Variants in USP21 observed in about 807,000 individuals in gnomAD.
USP21 encodes the protein ubiquitin specific peptidase 21.
In USP21, 37 loss-of-function variants were observed where a neutral mutation model predicts 70.8. The observed-to-expected ratio is 0.52, with a 90% CI of 0.40 to 0.69. USP21 has a LOEUF of 0.69. Among genes scored for constraint, USP21 ranks in the 30% least tolerant of loss-of-function variants. The pLI, the probability that USP21 is intolerant of heterozygous loss-of-function variation, is 0.00. For missense variants in USP21, 584 were observed against 740.8 expected, an observed-to-expected ratio of 0.79 and a Z score of 2.46; for synonymous variants, 263 against 283.1, an observed-to-expected ratio of 0.93 and a Z score of 0.71.
chr1:161,165,216 C>T, intron 13 of USP21, 73 bp downstream of exon 13: 1 of 1,484,018 alleles, frequency 6.7e-7, no homozygotes, highest in Non-Finnish European at 9.4e-7. Flanking sequence ...CTATGAAGCT[C>T]CAGGAGAGCA....
Position 161,165,475 on chromosome 1 carries a change from C to T in USP21, c.*28C>T, listed in dbSNP as rs779217831. 1.3e-6 allele frequency: 2 copies of T among 1,560,774 alleles called. No homozygotes were observed. The highest frequency in any genetic ancestry group is 8.8e-7 in the Non-Finnish European group (1 of 1,132,620). ...CCTCTAAGCTCTGGCACCTGTGAAG[C>T]CCTTTAAACACCCTTAAGCCCCAGG... On this transcript the variant is annotated 3_prime_UTR_variant, in exon 14 of 14. Coordinates refer to ENST00000368002, the MANE Select transcript of USP21 (RefSeq NM_001014443.3).
Position 161,164,663 on chromosome 1 carries a change from C to T in USP21, c.1384+51C>T, listed in dbSNP as rs769375313. The T allele has an allele frequency of 1.9e-6, 3 of 1,610,834 alleles. No individual in the cohort carries two copies. The highest frequency in any genetic ancestry group is 2.7e-5 in the African/African-American group (2 of 74,892). On this transcript the variant is annotated intron_variant, in intron 11 of 13. Coordinates refer to ENST00000368002, the MANE Select transcript of USP21 (RefSeq NM_001014443.3). The surrounding 1 kb of genome is among the most constrained non-coding windows in gnomAD (Gnocchi z 4.2). ...TCTCTTAGGATACCTCCCATACATT[C>T]TCTTTCCTCCATGTTTCCAGAGAAT... is the stretch of plus-strand genomic sequence containing the variant.
Position 161,161,919 on chromosome 1 carries a change from G to T in USP21, c.601-119G>T. 1.0e-6 allele frequency: 1 copy of T among 972,354 alleles called. No homozygotes were observed. The highest frequency in any genetic ancestry group is 1.7e-6 in the Non-Finnish European group (1 of 601,694). The allele number at this position is 972,354 out of a possible 1,614,324, so 60.2% of individuals were successfully genotyped here. Reference sequence around the variant, plus strand: ...TAGAATACCTAGTGAGGGGAATAGGGTAGAGTTTGGGGATGAAACATGCAT... The same window carrying T: ...TAGAATACCTAGTGAGGGGAATAGGTTAGAGTTTGGGGATGAAACATGCAT... On this transcript the variant is annotated intron_variant, in intron 3 of 13. Coordinates refer to ENST00000368002, the MANE Select transcript of USP21 (RefSeq NM_001014443.3). The surrounding 1 kb of genome is among the most constrained non-coding windows in gnomAD (Gnocchi z 4.2).
chr1:161,162,445 G>A lies in USP21; in HGVS notation c.781+55G>A. The A allele has an allele frequency of 1.3e-6, 2 of 1,567,792 alleles. No homozygotes were observed. The highest frequency in any genetic ancestry group is 1.7e-6 in the Non-Finnish European group (2 of 1,155,080). On this transcript the variant is annotated intron_variant, in intron 5 of 13. Transcript: ENST00000368002. The surrounding 1 kb of genome is among the most constrained non-coding windows in gnomAD (Gnocchi z 4.1). ...CAAGTCCCTTTTTCCCCAACCACTT[G>A]CAGGTCCATCTGCCACTGGTGGTGG...
At position 161,164,759 on chromosome 1, in the gene USP21, G is replaced by A. The variant is rs1391550188; in HGVS notation, c.1385-76G>A. 14 of 1,596,092 alleles carry A rather than the reference G, an allele frequency of 8.8e-6. No homozygotes were observed. The highest frequency in any genetic ancestry group is 1.2e-5 in the Non-Finnish European group (14 of 1,169,484). On this transcript the variant is annotated intron_variant, in intron 11 of 13. Transcript: ENST00000368002. The surrounding 1 kb of genome is among the most constrained non-coding windows in gnomAD (Gnocchi z 4.2). ...GCTCCCAGTGTGTCGGGAGTGGGGA[G>A]AGGACAGCTTTCAGGATAGAAGAAG...
At position 161,163,537 on chromosome 1, in the gene USP21, TC is replaced by T; in HGVS notation, c.1050-16del. ...TGCTGTCTCATGGGTGCTCCCCACT[TC>T]CTTTGATCTGTGGTAGTGATGATGA... On this transcript the variant is annotated splice_polypyrimidine_tract_variant and intron_variant, in intron 7 of 13. Coordinates refer to ENST00000368002, the MANE Select transcript of USP21 (RefSeq NM_001014443.3). The T allele has an allele frequency of 1.9e-6, 3 of 1,613,624 alleles. No homozygotes were observed. Among genetic ancestry groups the T allele is most frequent in the Middle Eastern group, 1.6e-4 (1 of 6,062 alleles).
chr1:161,165,310 G>A, intron 13 of USP21, 47 bp from the exon 14 acceptor site: 1 of 1,573,696 alleles, frequency 6.4e-7, no homozygotes. Flanking sequence ...GGAGAAGGGA[G>A]TAAACAGGAA....
chr1:161,162,766 G>A lies in USP21; in HGVS notation c.893+40G>A, dbSNP rs1455633429. 6.3e-7 allele frequency: 1 copy of A among 1,586,088 alleles called. No individual in the cohort carries two copies. The highest frequency in any genetic ancestry group is 8.7e-7 in the Non-Finnish European group (1 of 1,154,422). The stretch of plus-strand genomic sequence containing the variant: ...GGCTATGGGATTTCTCTCTGGCCAT[G>A]TCTGGGGGTAGGGCCAAGCAAGGGC... On this transcript the variant is annotated intron_variant, in intron 6 of 13. Coordinates refer to ENST00000368002, the MANE Select transcript of USP21 (RefSeq NM_001014443.3). This position sits in a 1 kb window ranked among gnomAD's most constrained non-coding sequence, Gnocchi z 4.1.
chr1:161,164,790 C>G lies in USP21; in HGVS notation c.1385-45C>G, dbSNP rs772532830. The G allele has an allele frequency of 6.2e-7, 1 of 1,601,046 alleles. No homozygotes were observed. Among genetic ancestry groups the G allele is most frequent in the Non-Finnish European group, 8.5e-7 (1 of 1,171,968 alleles). On this transcript the variant is annotated intron_variant, in intron 11 of 13. Coordinates refer to ENST00000368002, the MANE Select transcript of USP21 (RefSeq NM_001014443.3). The surrounding 1 kb of genome is among the most constrained non-coding windows in gnomAD (Gnocchi z 4.2). The stretch of plus-strand genomic sequence containing the variant: ...AGCTTTCAGGATAGAAGAAGTTCCC[C>G]TCAGAGGCCCACTGCCTCCCAAATG...
Position 161,164,978 on chromosome 1 carries a change from G to T in USP21, c.1492+36G>T. ...TGGGGAAAGTCCTAAGGAGCCAAAGGAGTGGGGGCACAGCTCTGATTATAG... is the reference window on the plus strand; with the variant it reads ...TGGGGAAAGTCCTAAGGAGCCAAAGTAGTGGGGGCACAGCTCTGATTATAG... On this transcript the variant is annotated intron_variant, in intron 12 of 13. Transcript: ENST00000368002. This position sits in a 1 kb window ranked among gnomAD's most constrained non-coding sequence, Gnocchi z 4.2. The T allele has an allele frequency of 6.2e-7, 1 of 1,613,236 alleles. No homozygotes were observed.
At chr1:161,160,587 T>C (rs573665408) in intron 2 of USP21, 33 bp from the exon 3 acceptor site, 6 of 1,571,650 alleles carry the variant, frequency 3.8e-6, no homozygotes, top group African/African-American at 2.7e-5. Context: ...TTTCCCCCCA[T>C]ATTCAAATGC....
chr1:161,161,015 C>T lies in USP21; in HGVS notation c.375C>T (p.Ala125=), dbSNP rs1657879169. 6.2e-7 allele frequency: 1 copy of T among 1,614,122 alleles called. No individual in the cohort carries two copies. Among genetic ancestry groups the T allele is most frequent in the South Asian group, 1.1e-5 (1 of 91,094 alleles). The part of the protein sequence containing the change: ...SSGDLRPMGI[A]LGGHRGTGEL... Reference sequence around the variant, plus strand: ...GGGACTTGCGTCCAATGGGGATTGCCTTGGGAGGGCACCGTGGCACCGGAG... The same window carrying T: ...GGGACTTGCGTCCAATGGGGATTGCTTTGGGAGGGCACCGTGGCACCGGAG... Residue 125 remains alanine, a synonymous_variant, in exon 3 of 14, where the codon GCC becomes GCT. Coordinates refer to ENST00000368002, the MANE Select transcript of USP21 (RefSeq NM_001014443.3). This position sits in a 1 kb window ranked among gnomAD's most constrained non-coding sequence, Gnocchi z 4.2.
intron 8 of USP21, 63 bp downstream of exon 8, chr1:161,163,682 G>A (rs1457996579): frequency 6.2e-6 from 6 of 962,186 alleles, no homozygotes; most frequent in African/African-American, 1.7e-5. Context: ...GGCTTGGGGG[G>A]AAAAATCGAT....
At position 161,160,486 on chromosome 1, in the gene USP21, G is replaced by T; in HGVS notation, c.-42G>T. ...TGAGCCAACCACCTAATGTGGAAAT[G>T]AGAGGACAGCAAGATTGTGGGTATG... On this transcript the variant is annotated 5_prime_UTR_variant, in exon 2 of 14. An upstream start codon of the reference 5' UTR is lost. Coordinates refer to ENST00000368002, the MANE Select transcript of USP21 (RefSeq NM_001014443.3). The T allele has an allele frequency of 1.0e-6, 1 of 961,498 alleles. No homozygotes were observed. The highest frequency in any genetic ancestry group is 1.5e-5 in the South Asian group (1 of 65,690). The allele number at this position is 961,498 out of a possible 1,614,324, so 59.6% of individuals were successfully genotyped here. A position where few individuals can be genotyped will look rare whatever the true frequency, so the allele number is the denominator to read the frequency against.
At position 161,165,423 on chromosome 1, in the gene USP21, G is replaced by A. The variant is rs1367169046; in HGVS notation, c.1674G>A (p.Met558Ile). Residue 558 changes from methionine (M) to isoleucine (I), a missense_variant, in exon 14 of 14, where the codon ATG (methionine) becomes ATA (isoleucine). Physicochemically the swap from Met to Ile is conservative, Grantham distance 10. Around this residue, in one of 4 missense-constraint regions of USP21, gnomAD observed 173 missense variants for 268.2 expected, o/e 0.65. Coordinates refer to ENST00000368002, the MANE Select transcript of USP21 (RefSeq NM_001014443.3). ...GCTACGTGCTGTTCTACCAACTGATGCAGGAGCCACCCCGGTGCCTGTGAC... is the reference window on the plus strand; with the variant it reads ...GCTACGTGCTGTTCTACCAACTGATACAGGAGCCACCCCGGTGCCTGTGAC... ...SEGYVLFYQL[M>I]QEPPRCL 3.1e-6 allele frequency: 5 copies of A among 1,613,966 alleles called. No homozygotes were observed. The African/African-American group carries it at 5.3e-5, about 17-fold the overall frequency.
At chr1:161,165,286 G>C in intron 13 of USP21, 71 bp from the exon 14 acceptor site, 16 of 1,497,214 alleles carry the variant, frequency 1.1e-5, no homozygotes, top group Non-Finnish European at 1.5e-5. Context: ...ATGCTCTGAG[G>C]TTCGGTCTTG....
Position 161,161,127 on chromosome 1 carries a change from T to G in USP21, c.487T>G (p.Phe163Val), listed in dbSNP as rs376196870. ...CACTTCTCTCCGCCGCCTAGGGGGC[T>G]TTCCTGGACCCCCTACCCTGTTCAG... Reference protein sequence around the residue: ...RSTSLRRLGGFPGPPTLFSIR... With the variant: ...RSTSLRRLGGVPGPPTLFSIR... Residue 163 changes from phenylalanine (F) to valine (V), a missense_variant, in exon 3 of 14, where the codon TTT (phenylalanine) becomes GTT (valine). Around this residue, in one of 4 missense-constraint regions of USP21, gnomAD observed 284 missense variants for 281.0 expected, o/e 1.01. Coordinates refer to ENST00000368002, the MANE Select transcript of USP21 (RefSeq NM_001014443.3). The surrounding 1 kb of genome is among the most constrained non-coding windows in gnomAD (Gnocchi z 4.2). 4 of 1,614,066 alleles carry G rather than the reference T, an allele frequency of 2.5e-6. No individual in the cohort carries two copies. The African/African-American group carries it at 4.0e-5, about 16-fold the overall frequency.
Position 161,161,495 on chromosome 1 carries a change from G to A in USP21, c.600+255G>A. 1 of 482,162 alleles carries A rather than the reference G, an allele frequency of 2.1e-6. No individual in the cohort carries two copies. Among genetic ancestry groups the A allele is most frequent in the Non-Finnish European group, 3.7e-6 (1 of 272,658 alleles). The allele number at this position is 482,162 out of a possible 1,614,324, so 29.9% of individuals were successfully genotyped here. A position where few individuals can be genotyped will look rare whatever the true frequency, so the allele number is the denominator to read the frequency against. On this transcript the variant is annotated intron_variant, in intron 3 of 13. Transcript: ENST00000368002. The surrounding 1 kb of genome is among the most constrained non-coding windows in gnomAD (Gnocchi z 4.2). ...CCCAACTATTTAGAATTCTTCTTTG[G>A]GTCCCCAGGCCCTTCCTTTCCCTTG...
chr1:161,165,054 C>G lies in USP21; in HGVS notation c.1518C>G (p.Ala506=). ...KAGSPVYQLY[A]LCNHSGSVHY... is the part of the protein sequence containing the mutation. ...GAAGTCCTGTATACCAGCTGTATGC[C>G]CTTTGCAACCACTCAGGCAGCGTCC... is the stretch of plus-strand genomic sequence containing the variant. The change falls in exon 13 of 14, where the codon GCC becomes GCG. Residue 506 remains alanine, a synonymous_variant. Coordinates refer to ENST00000368002, the MANE Select transcript of USP21 (RefSeq NM_001014443.3). The G allele has an allele frequency of 1.9e-6, 3 of 1,614,038 alleles. No homozygotes were observed. The highest frequency in any genetic ancestry group is 2.5e-6 in the Non-Finnish European group (3 of 1,180,022).
Sources: gnomAD v4.1 joint callset for allele counts on GRCh38, gnomAD v4.1.1 for gene constraint, gnomAD v4.1.1 regional missense constraint, Gnocchi (gnomAD v3.1) non-coding constraint, MANE v1.5 for transcripts, NCBI Gene and HGNC (gene_info 2026-07-23, HGNC 2026-07-21) for gene names.